NRXN3: variants seen among roughly 807,000 people sequenced by gnomAD.
The protein encoded by NRXN3 is neurexin III.
In NRXN3, 32 loss-of-function variants were observed where a neutral mutation model predicts 137.6. That is an observed-to-expected ratio of 0.23 (90% CI 0.18 to 0.31). The LOEUF is 0.31. NRXN3 is among the 10% of genes least tolerant of loss of function. The pLI is 1.00. For synonymous variants in NRXN3, 798 were observed against 784.5 expected (o/e 1.02, Z -0.29); for missense variants, 1,574 against 2,062.5 (o/e 0.76, Z 4.59).
intron 15 of NRXN3, among the ~76,000 whole-genome samples, chr14:79,069,068 A>G (rs2099684227): frequency 6.6e-6 from 1 of 152,134 alleles, no homozygotes; most frequent in South Asian, 2.1e-4. Flanking sequence ...GGATGAATAG[A>G]AGCATACACT....
chr14:78,913,027 A>G (rs2099243581), intron 10 of NRXN3, among the ~76,000 whole-genome samples: 1 of 152,118 alleles, frequency 6.6e-6, no homozygotes, highest in Non-Finnish European at 1.5e-5. Flanking sequence ...TGAAAAAGAC[A>G]GGTATGATCT....
intron 10 of NRXN3, among the ~76,000 whole-genome samples, chr14:78,840,800 G>A (rs2099010279): frequency 6.6e-6 from 1 of 152,250 alleles, no homozygotes; most frequent in Non-Finnish European, 1.5e-5. Context: ...TAGTAAAACA[G>A]TAAAGAAACA....
chr14:79,507,590 G>A (rs1420984328), intron 16 of NRXN3, among the ~76,000 whole-genome samples: 1 of 151,982 alleles, frequency 6.6e-6, no homozygotes, highest in Non-Finnish European at 1.5e-5. Flanking sequence ...AGAGAAATGG[G>A]GATTTCCAGT....
At chr14:78,587,637 A>G (rs1172221522) in intron 4 of NRXN3, among the ~76,000 whole-genome samples, 1 of 152,196 alleles carries the variant, frequency 6.6e-6, no homozygotes, top group African/African-American at 2.4e-5. Context: ...TTATCCCTCT[A>G]CACATTCGCA....
At chr14:79,802,119 A>T (rs1368648029) in intron 19 of NRXN3, among the ~76,000 whole-genome samples, 2 of 151,984 alleles carry the variant, frequency 1.3e-5, no homozygotes, top group Non-Finnish European at 2.9e-5. Flanking sequence ...TAAAGATTCA[A>T]CTAATATTAT....
chr14:79,560,719 T>G (rs1006873569), intron 16 of NRXN3, among the ~76,000 whole-genome samples: 3 of 151,836 alleles, frequency 2.0e-5, no homozygotes, highest in African/African-American at 7.3e-5. Context: ...TTTTGTATTT[T>G]TAGTAGAGAC....
chr14:78,907,779 C>G lies in NRXN3; in HGVS notation c.2276-49463C>G, dbSNP rs188181520. 5.6e-4 allele frequency among the ~76,000 whole-genome samples: 85 copies of G among 151,942 alleles called. 2 individuals are homozygous for G. Among genetic ancestry groups the G allele is most frequent in the Non-Finnish European group, 2.4e-4 (16 of 67,938 alleles). On this transcript the variant is annotated intron_variant, in intron 10 of 20. Transcript: ENST00000335750. ...TACCCATTAATTATTTTTTCTGATT[C>G]TCTTCCTCCTCCCACCCTCCACCCT...
intron 4 of NRXN3, among the ~76,000 whole-genome samples, chr14:78,558,878 C>G (rs2096762202): frequency 6.6e-6 from 1 of 152,168 alleles, no homozygotes; most frequent in African/African-American, 2.4e-5. Flanking sequence ...TTTCTTAATC[C>G]TCATGGACAT....
Position 79,349,309 on chromosome 14 carries a change from C to A in NRXN3, c.3263-117912C>A, listed in dbSNP as rs1023807377. ...GGTCTCCGGAATCTTTAAAAAAAAT[C>A]TATTTAATTATTGATAGAATTTTAG... On this transcript the variant is annotated intron_variant, in intron 15 of 20. Coordinates refer to ENST00000335750, the MANE Select transcript of NRXN3 (RefSeq NM_001330195.2). 5.9e-5 allele frequency among the ~76,000 whole-genome samples: 9 copies of A among 151,648 alleles called. No individual in the cohort carries two copies. In the East Asian group the frequency reaches 1.7e-3, roughly 29 times the overall value.
chr14:79,086,487 T>A (rs2048127951), intron 15 of NRXN3, among the ~76,000 whole-genome samples: 1 of 152,126 alleles, frequency 6.6e-6, no homozygotes, highest in East Asian at 1.9e-4. Context: ...TAGAGTAATA[T>A]CCAATCTTGA....
chr14:79,573,920 A>G (rs116458447), intron 16 of NRXN3, among the ~76,000 whole-genome samples: 1,791 of 152,240 alleles, frequency 0.012, 33 homozygotes, highest in African/African-American at 0.04. Flanking sequence ...ATTAATAACA[A>G]TAAAAGACAA....
intron 10 of NRXN3, among the ~76,000 whole-genome samples, chr14:78,878,170 A>G (rs2099118297): frequency 6.6e-6 from 1 of 152,168 alleles, no homozygotes; most frequent in Non-Finnish European, 1.5e-5. Flanking sequence ...ATTATTTTTC[A>G]TAATCACAAG....
intron 4 of NRXN3, among the ~76,000 whole-genome samples, chr14:78,558,804 G>A (rs1298750100): frequency 1.3e-5 from 2 of 152,186 alleles, no homozygotes; most frequent in Non-Finnish European, 2.9e-5. Context: ...ATTATGGATA[G>A]CTACCATTTG....
intron 8 of NRXN3, among the ~76,000 whole-genome samples, chr14:78,743,679 A>T (rs750614566): frequency 3.9e-5 from 6 of 152,198 alleles, no homozygotes; most frequent in Non-Finnish European, 7.3e-5. Context: ...AAGGCACAAA[A>T]TATTTGTGTA....
At position 78,624,829 on chromosome 14, in the gene NRXN3, G is replaced by GTTTGTT. The variant is rs142137582; in HGVS notation, c.758-20290_758-20289insTTGTTT. Among the ~76,000 whole-genome samples the GTTTGTT allele has an allele frequency of 2.5e-4, 37 of 147,092 alleles. No individual in the cohort carries two copies. In the South Asian group the frequency reaches 3.0e-3, roughly 12 times the overall value. On this transcript the variant is annotated intron_variant, in intron 4 of 20. Coordinates refer to ENST00000335750, the MANE Select transcript of NRXN3 (RefSeq NM_001330195.2). ...TTCCTTTGTGTGTGTGTGTGTGTGT[G>GTTTGTT]TGTTTGTTTGTTTGTTTGTTTGTTT... is the stretch of plus-strand genomic sequence containing the variant.
intron 16 of NRXN3, among the ~76,000 whole-genome samples, chr14:79,575,069 A>G (rs993006138): frequency 6.6e-6 from 1 of 152,162 alleles, no homozygotes; most frequent in African/African-American, 2.4e-5. Context: ...ACTTTTCCAG[A>G]ATCATTTTGT....
chr14:79,231,291 T>C lies in NRXN3; in HGVS notation c.3263-235930T>C, dbSNP rs952364096. Among the ~76,000 whole-genome samples, 5 of 152,310 alleles carry C rather than the reference T, an allele frequency of 3.3e-5. No individual in the cohort carries two copies. In the South Asian group the frequency reaches 1.0e-3, roughly 32 times the overall value. On this transcript the variant is annotated intron_variant, in intron 15 of 20. Transcript: ENST00000335750. ...ATCTGAATAGACCAGTTGCCATTTATTCCCTTAATATGATTAGTTTCCTAA... is the reference window on the plus strand; with the variant it reads ...ATCTGAATAGACCAGTTGCCATTTACTCCCTTAATATGATTAGTTTCCTAA...
intron 16 of NRXN3, among the ~76,000 whole-genome samples, chr14:79,586,280 C>G (rs1270987871): frequency 6.6e-6 from 1 of 152,166 alleles, no homozygotes; most frequent in African/African-American, 2.4e-5. Context: ...ATGTAATCAT[C>G]TTGCGGAGTT....
rs114187553 is a variant in NRXN3 at position 79,345,131 on chromosome 14, G to A, written c.3263-122090G>A. Among the ~76,000 whole-genome samples, 1,475 of 151,916 alleles carry A rather than the reference G, an allele frequency of 9.7e-3. 26 individuals carry two copies. Among genetic ancestry groups the A allele is most frequent in the African/African-American group, 0.034 (1,387 of 41,394 alleles). Reference sequence around the variant, plus strand: ...AAATTCTTTTTTTGGGTATTTGCACGTTCCAACTACCCAGAAAATTACTCA... The same window carrying A: ...AAATTCTTTTTTTGGGTATTTGCACATTCCAACTACCCAGAAAATTACTCA... On this transcript the variant is annotated intron_variant, in intron 15 of 20. Coordinates refer to ENST00000335750, the MANE Select transcript of NRXN3 (RefSeq NM_001330195.2).
Sources: gnomAD v4.1 joint callset for allele counts (sites outside exome capture counted in the v4.1 genomes callset) on GRCh38, gnomAD v4.1.1 for gene constraint, MANE v1.5 for transcripts, NCBI Gene and HGNC (gene_info 2026-07-23, HGNC 2026-07-21) for gene names.